Variants in CNIH3 observed in about 807,000 individuals in gnomAD.
CNIH3 encodes cornichon family AMPA receptor auxiliary protein 3.
In CNIH3, 14 loss-of-function variants were observed where a neutral mutation model predicts 24.1. That is an observed-to-expected ratio of 0.58 (90% CI 0.38 to 0.91). The LOEUF (loss-of-function observed/expected upper bound fraction) is 0.91. CNIH3 is among the 40% of genes least tolerant of loss of function. The pLI is 0.00. For missense variants in CNIH3, 178 were observed against 196.8 expected, an observed-to-expected ratio of 0.90 and a Z score of 0.57; for synonymous variants, 68 against 73.8, an observed-to-expected ratio of 0.92 and a Z score of 0.40.
intron 2 of CNIH3, among the ~76,000 whole-genome samples, chr1:224,528,328 T>C (rs1678925821): frequency 2.0e-5 from 3 of 152,202 alleles, no homozygotes; most frequent in Admixed American, 6.5e-5. Flanking sequence ...TATTTATTTA[T>C]GTATTTTTAA....
chr1:224,655,791 T>A (rs1685069645), intron 1 of CNIH3, among the ~76,000 whole-genome samples: 1 of 152,108 alleles, frequency 6.6e-6, no homozygotes, highest in Non-Finnish European at 1.5e-5. Flanking sequence ...CCCAAACACA[T>A]CTCTCTCAAC....
At chr1:224,452,910 C>G (rs947503033) in intron 1 of CNIH3, among the ~76,000 whole-genome samples, 3 of 151,336 alleles carry the variant, frequency 2.0e-5, no homozygotes, top group African/African-American at 7.3e-5. Context: ...GATCTGAGGT[C>G]AGAAGTTCAA....
intron 4 of CNIH3, among the ~76,000 whole-genome samples, chr1:224,582,689 A>C (rs1681328804): frequency 6.6e-6 from 1 of 152,176 alleles, no homozygotes; most frequent in Non-Finnish European, 1.5e-5. Flanking sequence ...CATATTCAGG[A>C]ATCAGAAGGT....
chr1:224,737,093 G>A (rs1308986096), intron 5 of CNIH3, among the ~76,000 whole-genome samples: 1 of 152,156 alleles, frequency 6.6e-6, no homozygotes, highest in African/African-American at 2.4e-5. Context: ...CAGTGTGGAT[G>A]AAGACAGAGG....
At chr1:224,574,093 G>A (rs1170471174) in intron 4 of CNIH3, among the ~76,000 whole-genome samples, 2 of 151,886 alleles carry the variant, frequency 1.3e-5, no homozygotes, top group African/African-American at 4.8e-5. Context: ...GTTTATTTTT[G>A]ACATTTTAAT....
At chr1:224,632,352 A>G (rs1159060748) in intron 1 of CNIH3, among the ~76,000 whole-genome samples, 1 of 152,080 alleles carries the variant, frequency 6.6e-6, no homozygotes, top group Non-Finnish European at 1.5e-5. Context: ...TTCTACACTG[A>G]ACAGATACCT....
intron 5 of CNIH3, among the ~76,000 whole-genome samples, chr1:224,736,671 C>T (rs184787509): frequency 6.6e-6 from 1 of 152,176 alleles, no homozygotes; most frequent in Non-Finnish European, 1.5e-5. Context: ...CCCCAGTGTC[C>T]GCAGACTCTG....
At chr1:224,461,094 C>G (rs1455396769) in intron 1 of CNIH3, among the ~76,000 whole-genome samples, 2 of 151,930 alleles carry the variant, frequency 1.3e-5, no homozygotes, top group Non-Finnish European at 2.9e-5. Context: ...CCTCCACCTC[C>G]TGGGTTCAAG....
intron 3 of CNIH3, among the ~76,000 whole-genome samples, chr1:224,563,089 A>G (rs774254960): frequency 2.0e-5 from 3 of 152,100 alleles, no homozygotes; most frequent in African/African-American, 4.8e-5. Context: ...AATATAGGAT[A>G]TACACATGAA....
intron 1 of CNIH3, among the ~76,000 whole-genome samples, chr1:224,493,203 C>T (rs1282443466): frequency 1.3e-5 from 2 of 152,042 alleles, no homozygotes; most frequent in Non-Finnish European, 2.9e-5. Context: ...TTTGGCTAGT[C>T]TTTGTATATA....
chr1:224,733,876 A>G (rs1572839207), intron 4 of CNIH3, among the ~76,000 whole-genome samples: 3 of 152,234 alleles, frequency 2.0e-5, no homozygotes, highest in Admixed American at 2.0e-4. Context: ...CTCCTGCCCC[A>G]GGTCTCACCA....
At chr1:224,701,956 T>C (rs557098235) in intron 3 of CNIH3, among the ~76,000 whole-genome samples, 1 of 152,314 alleles carries the variant, frequency 6.6e-6, no homozygotes, top group South Asian at 2.1e-4. Context: ...GAAGAAAATA[T>C]TAATAAGCTG....
intron 1 of CNIH3, among the ~76,000 whole-genome samples, chr1:224,627,895 C>G (rs559856846): frequency 7.2e-4 from 109 of 152,260 alleles, no homozygotes; most frequent in Admixed American, 2.6e-3. Context: ...TCATCACCAC[C>G]TGAGTCTCAG....
At chr1:224,601,452 G>T (rs996126055) in intron 3 of CNIH3, among the ~76,000 whole-genome samples, 1 of 152,204 alleles carries the variant, frequency 6.6e-6, no homozygotes, top group Non-Finnish European at 1.5e-5. Context: ...ATCTTATCGG[G>T]AAGCTGTTGA....
intron 3 of CNIH3, among the ~76,000 whole-genome samples, chr1:224,698,982 A>AGACTCGGAGGGCTGT (rs143939876): frequency 1.3e-5 from 2 of 151,940 alleles, no homozygotes; most frequent in African/African-American, 2.4e-5. Context: ...TGGGGAGCTG[A>AGACTCGGAGGGCTGT]GAGGTCACTT....
At chr1:224,557,603 C>T (rs1004814278) in intron 3 of CNIH3, among the ~76,000 whole-genome samples, 5 of 152,160 alleles carry the variant, frequency 3.3e-5, no homozygotes, top group East Asian at 1.9e-4. Flanking sequence ...ACTACAGGCA[C>T]GTGCCACCAT....
At chr1:224,739,147 G>T (rs931746344) in intron 5 of CNIH3, among the ~76,000 whole-genome samples, 182 bp from the exon 6 acceptor site, 1 of 152,086 alleles carries the variant, frequency 6.6e-6, no homozygotes, top group Admixed American at 6.5e-5. Flanking sequence ...TTCCAGTGTT[G>T]TGGGAAGTAG....
At chr1:224,519,976 A>G (rs1050006622) in intron 1 of CNIH3, among the ~76,000 whole-genome samples, 2 of 152,206 alleles carry the variant, frequency 1.3e-5, no homozygotes, top group African/African-American at 4.8e-5. Context: ...CCATCACTGT[A>G]GAAAGTTCTA....
intron 1 of CNIH3, among the ~76,000 whole-genome samples, chr1:224,654,855 T>C (rs1685024011): frequency 6.6e-6 from 1 of 152,336 alleles, no homozygotes; most frequent in Non-Finnish European, 1.5e-5. Flanking sequence ...TGGTGTAGAA[T>C]GTTGAAAACT....
Sources: allele counts gnomAD v4.1 joint callset (sites outside exome capture counted in the v4.1 genomes callset), GRCh38; gene constraint gnomAD v4.1.1; transcripts MANE v1.5; gene names NCBI Gene and HGNC (gene_info 2026-07-23, HGNC 2026-07-21).